The following NR6A1 variants were observed in gnomAD, a reference collection of about 807,000 sequenced individuals.
NR6A1 encodes the protein nuclear receptor subfamily 6 group A member 1, also known as retinoic acid receptor-related testis-associated receptor.
NR6A1 carries 7 observed loss-of-function variants against 59.1 expected under a neutral mutation model. The ratio of observed to expected loss-of-function variants is 0.12; its 90% CI spans 0.07 to 0.22. The LOEUF (loss-of-function observed/expected upper bound fraction) is 0.22, where lower values mean the gene tolerates loss of function less well. NR6A1 is among the 10% of genes least tolerant of loss of function. The probability of loss-of-function intolerance (pLI) is 1.00; values close to 1 mark genes in which losing one functional copy is unlikely to be tolerated. For synonymous variants in NR6A1, 243 were observed against 236.1 expected, an observed-to-expected ratio of 1.03 and a Z score of -0.27; for missense variants, 468 against 611.6, an observed-to-expected ratio of 0.77 and a Z score of 2.48.
rs370180588 is a variant in NR6A1 at position 124,685,802 on chromosome 9, T to G, written c.142+47506A>C. 1.6e-4 allele frequency among the ~76,000 whole-genome samples: 25 copies of G among 152,350 alleles called. No homozygotes were observed. The East Asian group carries it at 3.1e-3, about 19-fold the overall frequency. ...AGCATTCCCACTCAAACATCGGCAT[T>G]GTCAATTTCAGGTTAGCAATGGAGA... On this transcript the variant is annotated intron_variant, in intron 2 of 9. Coordinates refer to ENST00000487099, the MANE Select transcript of NR6A1 (RefSeq NM_033334.4).
At chr9:124,629,770 C>CTT (rs905723944) in intron 2 of NR6A1, among the ~76,000 whole-genome samples, 1 of 152,180 alleles carries the variant, frequency 6.6e-6, no homozygotes, top group Non-Finnish European at 1.5e-5. Context: ...GCTATAGCTT[C>CTT]TTAGTCATTT....
intron 2 of NR6A1, among the ~76,000 whole-genome samples, chr9:124,726,578 C>T (rs1311320905): frequency 1.3e-5 from 2 of 152,162 alleles, no homozygotes; most frequent in African/African-American, 4.8e-5. Flanking sequence ...AGACTTTTTG[C>T]TTGTTTTATA....
chr9:124,747,234 G>T (rs1451194195), intron 1 of NR6A1, among the ~76,000 whole-genome samples: 1 of 136,998 alleles, frequency 7.3e-6, no homozygotes, highest in Non-Finnish European at 1.5e-5. Flanking sequence ...TAGTCACCTA[G>T]GCTACAGTGC....
intron 1 of NR6A1, among the ~76,000 whole-genome samples, chr9:124,741,852 T>C (rs1461909879): frequency 6.6e-6 from 1 of 152,140 alleles, no homozygotes; most frequent in Non-Finnish European, 1.5e-5. Context: ...CGATTATGAG[T>C]ACTCAATGAT....
chr9:124,704,289 G>C (rs1167404347), intron 2 of NR6A1, among the ~76,000 whole-genome samples: 2 of 152,052 alleles, frequency 1.3e-5, no homozygotes, highest in African/African-American at 2.4e-5. Flanking sequence ...CAAATTTGTC[G>C]ATCTTTTCAG....
chr9:124,741,104 C>T (rs1045477996), intron 1 of NR6A1, among the ~76,000 whole-genome samples: 1 of 151,846 alleles, frequency 6.6e-6, no homozygotes, highest in African/African-American at 2.4e-5. Flanking sequence ...CTGTCCAATA[C>T]AGTTGCCACT....
chr9:124,655,564 A>G (rs966887269), intron 2 of NR6A1, among the ~76,000 whole-genome samples: 7 of 152,216 alleles, frequency 4.6e-5, no homozygotes, highest in African/African-American at 1.4e-4. Context: ...CTCAAGAGAA[A>G]CTGGCCATCG....
intron 2 of NR6A1, among the ~76,000 whole-genome samples, chr9:124,575,496 C>A (rs1834562590): frequency 6.6e-6 from 1 of 152,088 alleles, no homozygotes; most frequent in Non-Finnish European, 1.5e-5. Context: ...ATCGTTTGAA[C>A]CCAGGAGGCA....
chr9:124,766,456 A>C (rs1374701418), intron 1 of NR6A1, among the ~76,000 whole-genome samples: 1 of 152,218 alleles, frequency 6.6e-6, no homozygotes, highest in Non-Finnish European at 1.5e-5. Flanking sequence ...TTCTTTATTG[A>C]AATACAAGCG....
At chr9:124,752,887 A>C (rs1274825009) in intron 1 of NR6A1, among the ~76,000 whole-genome samples, 1 of 152,086 alleles carries the variant, frequency 6.6e-6, no homozygotes, top group Non-Finnish European at 1.5e-5. Flanking sequence ...GAATTCTCTT[A>C]GAGGATGAGG....
At chr9:124,562,148 A>C (rs1834102113) in intron 2 of NR6A1, among the ~76,000 whole-genome samples, 1 of 152,176 alleles carries the variant, frequency 6.6e-6, no homozygotes, top group African/African-American at 2.4e-5. Context: ...GTTTCCTCTG[A>C]GAAGAATCTC....
intron 2 of NR6A1, among the ~76,000 whole-genome samples, chr9:124,721,355 C>T (rs1839557751): frequency 6.6e-6 from 1 of 152,206 alleles, no homozygotes; most frequent in African/African-American, 2.4e-5. Flanking sequence ...CATACCACCC[C>T]TACCCTGATC....
At chr9:124,662,218 A>G (rs1837461681) in intron 2 of NR6A1, among the ~76,000 whole-genome samples, 1 of 152,188 alleles carries the variant, frequency 6.6e-6, no homozygotes, top group Non-Finnish European at 1.5e-5. Context: ...ATGCTCCAGA[A>G]TGGTACTAAT....
At chr9:124,643,796 A>G (rs1390967838) in intron 2 of NR6A1, among the ~76,000 whole-genome samples, 2 of 151,338 alleles carry the variant, frequency 1.3e-5, no homozygotes, top group Non-Finnish European at 1.5e-5. Context: ...GAGAAAGGGT[A>G]CTCTTTTCAT....
chr9:124,567,288 G>C (rs1834287664), intron 2 of NR6A1, among the ~76,000 whole-genome samples: 1 of 152,032 alleles, frequency 6.6e-6, no homozygotes, highest in African/African-American at 2.4e-5. Flanking sequence ...GGGGGTTAGG[G>C]GGTCAGAGAA....
In NR6A1 at chr9:124,717,659, T is replaced by G. The variant is rs141824783; in HGVS notation, c.142+15649A>C. Among the ~76,000 whole-genome samples the G allele has an allele frequency of 1.3e-3, 193 of 152,364 alleles. 2 individuals are homozygous for G. Among genetic ancestry groups the G allele is most frequent in the African/African-American group, 4.1e-3 (172 of 41,580 alleles). On this transcript the variant is annotated intron_variant, in intron 2 of 9. Transcript: ENST00000487099. The stretch of plus-strand genomic sequence containing the variant: ...TGTGGATTACTAGGGTGCACACATT[T>G]ATAAAAATGCTTAACCTTAACACTT...
At position 124,565,538 on chromosome 9, in the gene NR6A1, T is replaced by G. The variant is rs190695075; in HGVS notation, c.143-10968A>C. Among the ~76,000 whole-genome samples, 5 of 149,724 alleles carry G rather than the reference T, an allele frequency of 3.3e-5. No homozygotes were observed. The East Asian group carries it at 9.9e-4, about 30-fold the overall frequency. On this transcript the variant is annotated intron_variant, in intron 2 of 9. Coordinates refer to ENST00000487099, the MANE Select transcript of NR6A1 (RefSeq NM_033334.4). ...ATTAAAGTAACAAAATTTAATAGAG[T>G]GAAAAGGCAAGCCACAGCATGGGAG...
At chr9:124,676,372 G>T (rs1837960819) in intron 2 of NR6A1, among the ~76,000 whole-genome samples, 1 of 151,976 alleles carries the variant, frequency 6.6e-6, no homozygotes, top group Admixed American at 6.6e-5. Flanking sequence ...CATTACTCTG[G>T]TAAGGGCCCC....
intron 2 of NR6A1, among the ~76,000 whole-genome samples, chr9:124,667,486 T>G (rs1837659432): frequency 6.6e-6 from 1 of 152,216 alleles, no homozygotes; most frequent in Non-Finnish European, 1.5e-5. Flanking sequence ...TGCTACTGTA[T>G]ATCCCAAACA....
Sources: gnomAD v4.1 joint callset for allele counts (sites outside exome capture counted in the v4.1 genomes callset) on GRCh38, gnomAD v4.1.1 for gene constraint, MANE v1.5 for transcripts, NCBI Gene and HGNC (gene_info 2026-07-23, HGNC 2026-07-21) for gene names.